Variants in CHN2 observed in about 807,000 individuals in gnomAD.
CHN2 encodes chimerin 2, also known as beta-chimaerin.
CHN2 carries 35 observed loss-of-function variants against 56.3 expected under a neutral mutation model. The observed-to-expected ratio is 0.62, with a 90% CI of 0.47 to 0.82. The LOEUF (loss-of-function observed/expected upper bound fraction) is 0.82, where lower values mean the gene tolerates loss of function less well. Among genes scored for constraint, CHN2 ranks in the 40% least tolerant of loss-of-function variants. The pLI is 0.00. For missense variants in CHN2, 491 were observed against 580.5 expected (o/e 0.85, Z 1.58); for synonymous variants, 210 against 212.8 (o/e 0.99, Z 0.12).
In CHN2 at chr7:29,326,830, G is replaced by A. The variant is rs1307014715; in HGVS notation, c.50-27795G>A. On this transcript the variant is annotated intron_variant, in intron 1 of 12. Transcript: ENST00000222792. ...AGTAGGTGTTCCACAAATGCTTGTT[G>A]GATGAATATGTACTGATAATAATAA... Among the ~76,000 whole-genome samples, 13 of 152,260 alleles carry A rather than the reference G, an allele frequency of 8.5e-5. No individual in the cohort carries two copies. In the South Asian group the frequency reaches 2.5e-3, roughly 29 times the overall value.
intron 6 of CHN2, among the ~76,000 whole-genome samples, chr7:29,452,181 C>T (rs902601364): frequency 3.3e-5 from 5 of 152,174 alleles, no homozygotes; most frequent in African/African-American, 1.2e-4. Flanking sequence ...CAAGCAAGGC[C>T]GTTTGGATCC....
chr7:29,221,663 A>C lies in CHN2; in HGVS notation c.49+26673A>C, dbSNP rs148100675. On this transcript the variant is annotated intron_variant, in intron 1 of 12. Transcript: ENST00000222792. ...CAGTGTGTTGTTCCCCACATATGGCAATGTGTTCTCATTGTTCAGCTCCTA... is the reference window on the plus strand; with the variant it reads ...CAGTGTGTTGTTCCCCACATATGGCCATGTGTTCTCATTGTTCAGCTCCTA... Among the ~76,000 whole-genome samples the C allele has an allele frequency of 1.5e-3, 235 of 152,300 alleles. 1 individual carries two copies. Among genetic ancestry groups the C allele is most frequent in the African/African-American group, 5.3e-3 (220 of 41,564 alleles).
At chr7:29,392,819 G>A (rs1246770226) in intron 3 of CHN2, among the ~76,000 whole-genome samples, 1 of 152,150 alleles carries the variant, frequency 6.6e-6, no homozygotes, top group Non-Finnish European at 1.5e-5. Flanking sequence ...TGCCAAGCTC[G>A]TATCCTACAA....
chr7:29,297,691 T>G (rs1793294811), intron 1 of CHN2, among the ~76,000 whole-genome samples: 1 of 151,976 alleles, frequency 6.6e-6, no homozygotes, highest in Admixed American at 6.6e-5. Context: ...GCCAGCATGT[T>G]GGGCTTCTGG....
chr7:29,305,241 G>C (rs547112402), intron 1 of CHN2, among the ~76,000 whole-genome samples: 3 of 152,146 alleles, frequency 2.0e-5, no homozygotes, highest in Non-Finnish European at 2.9e-5. Flanking sequence ...AGAAAGAAGA[G>C]TGTTTATAAG....
intron 6 of CHN2, among the ~76,000 whole-genome samples, chr7:29,470,897 G>T (rs556809868): frequency 6.6e-6 from 1 of 152,216 alleles, no homozygotes; most frequent in Non-Finnish European, 1.5e-5. Flanking sequence ...CCAGAAGTGG[G>T]GAGTTGCGTC....
At chr7:29,402,915 T>C (rs537858373) in intron 6 of CHN2, among the ~76,000 whole-genome samples, 10 of 135,488 alleles carry the variant, frequency 7.4e-5, no homozygotes, top group Middle Eastern at 3.7e-3. Flanking sequence ...AAATTAATAA[T>C]CCAATTAATA....
At chr7:29,412,512 A>G (rs1306528449) in intron 6 of CHN2, among the ~76,000 whole-genome samples, 1 of 151,686 alleles carries the variant, frequency 6.6e-6, no homozygotes, top group Non-Finnish European at 1.5e-5. Flanking sequence ...TTGTATTTTT[A>G]GTAGAGACAG....
chr7:29,321,174 A>G (rs111502189), intron 1 of CHN2, among the ~76,000 whole-genome samples: 1,801 of 152,324 alleles, frequency 0.012, 43 homozygotes, highest in African/African-American at 0.039. Context: ...TTATCTGTGC[A>G]TTTCATTTAT....
rs756617373 is a variant in CHN2 at position 29,499,866 on chromosome 7, G to C, written c.740-1G>C. On this transcript the variant is annotated splice_acceptor_variant, in intron 8 of 12. Transcript: ENST00000222792. LOFTEE classifies it high-confidence loss of function. ...GGCTAATGTGGCTTCTTTGTTTACA[G>C]ACTGTGGATTGAACGTACACAAACA... The C allele has an allele frequency of 6.3e-7, 1 of 1,583,202 alleles. No individual in the cohort carries two copies. Among genetic ancestry groups the C allele is most frequent in the South Asian group, 1.2e-5 (1 of 84,708 alleles).
chr7:29,250,332 C>T (rs1040870107), intron 1 of CHN2, among the ~76,000 whole-genome samples: 2 of 152,196 alleles, frequency 1.3e-5, no homozygotes, highest in Admixed American at 6.5e-5. Flanking sequence ...TGCTTTCTTT[C>T]TAATCCTTAA....
intron 1 of CHN2, among the ~76,000 whole-genome samples, chr7:29,315,501 C>T (rs964765356): frequency 7.9e-5 from 12 of 152,134 alleles, no homozygotes; most frequent in Non-Finnish European, 1.6e-4. Flanking sequence ...ATAGGATCAC[C>T]TTAAATTAAG....
intron 1 of CHN2, chr7:29,208,786 A>T (rs1337320062): frequency 6.6e-6 from 1 of 152,152 alleles, no homozygotes; most frequent in African/African-American, 2.4e-5. Flanking sequence ...CAAATACAGA[A>T]AACTCTAAAA....
intron 4 of CHN2, among the ~76,000 whole-genome samples, chr7:29,395,126 G>A (rs1319754631): frequency 1.3e-5 from 2 of 152,142 alleles, no homozygotes; most frequent in Non-Finnish European, 2.9e-5. Flanking sequence ...ATTGACAATG[G>A]ATACCTTTAG....
chr7:29,331,982 A>G (rs148168299), intron 1 of CHN2, among the ~76,000 whole-genome samples: 349 of 149,738 alleles, frequency 2.3e-3, no homozygotes, highest in African/African-American at 8.3e-3. Flanking sequence ...ACGGCACTCC[A>G]GCCTGGGCAA....
intron 1 of CHN2, among the ~76,000 whole-genome samples, chr7:29,284,531 T>G (rs1584959067): frequency 6.6e-6 from 1 of 152,318 alleles, no homozygotes; most frequent in Middle Eastern, 3.4e-3. Context: ...GGCCAGAACC[T>G]GAGAATAGGC....
chr7:29,189,334 T>C (rs1203887407), intron 2 of CHN2, among the ~76,000 whole-genome samples: 3 of 152,090 alleles, frequency 2.0e-5, no homozygotes, highest in Non-Finnish European at 4.4e-5. Flanking sequence ...CTGAGTGAAT[T>C]AATGAATGCT....
chr7:29,224,543 C>T (rs962335305), intron 1 of CHN2, among the ~76,000 whole-genome samples: 2 of 152,164 alleles, frequency 1.3e-5, no homozygotes, highest in Non-Finnish European at 2.9e-5. Context: ...TCTGCCATTA[C>T]TAACTGTGTG....
chr7:29,302,214 G>A (rs982185528), intron 1 of CHN2, among the ~76,000 whole-genome samples: 3 of 152,194 alleles, frequency 2.0e-5, no homozygotes, highest in African/African-American at 7.2e-5. Context: ...CATTTTAGCT[G>A]CCGCCACCGC....
Sources: gnomAD v4.1 joint callset for allele counts (sites outside exome capture counted in the v4.1 genomes callset) on GRCh38, gnomAD v4.1.1 for gene constraint, MANE v1.5 for transcripts, NCBI Gene and HGNC (gene_info 2026-07-23, HGNC 2026-07-21) for gene names.